ERC1: variants seen among roughly 807,000 people sequenced by gnomAD.
ERC1 encodes the protein RAB6 interacting protein 2.
ERC1 carries 56 observed loss-of-function variants against 132.0 expected under a neutral mutation model. The observed-to-expected ratio is 0.42, with a 90% CI of 0.34 to 0.53. The LOEUF is 0.53. ERC1 is among the 20% of genes least tolerant of loss of function. ERC1 has a pLI of 0.03. For synonymous variants in ERC1, 478 were observed against 476.1 expected (o/e 1.00, Z -0.05); for missense variants, 1,202 against 1,349.9 (o/e 0.89, Z 1.72).
At chr12:1,110,905 T>C (rs1198312932) in intron 5 of ERC1, among the ~76,000 whole-genome samples, 1 of 152,164 alleles carries the variant, frequency 6.6e-6, no homozygotes, top group African/African-American at 2.4e-5. Flanking sequence ...GGTTTCACCT[T>C]GTTGGCCTGG....
intron 17 of ERC1, among the ~76,000 whole-genome samples, chr12:1,408,612 C>T (rs1288681781): frequency 6.6e-6 from 1 of 152,196 alleles, no homozygotes; most frequent in Non-Finnish European, 1.5e-5. Context: ...AAAAACAAGA[C>T]TCTTTCCTTA....
At chr12:1,334,185 G>C (rs182994718) in intron 15 of ERC1, among the ~76,000 whole-genome samples, 217 of 152,118 alleles carry the variant, frequency 1.4e-3, no homozygotes, top group African/African-American at 5.0e-3. Flanking sequence ...CCATTCTGTA[G>C]GTTGTATACT....
chr12:1,409,536 T>C (rs2091718810), intron 17 of ERC1, among the ~76,000 whole-genome samples: 1 of 152,086 alleles, frequency 6.6e-6, no homozygotes, highest in South Asian at 2.1e-4. Flanking sequence ...TCTTGGAAAG[T>C]AGGAAGAAAA....
chr12:1,136,574 A>G (rs1248421826), intron 7 of ERC1, among the ~76,000 whole-genome samples: 1 of 152,236 alleles, frequency 6.6e-6, no homozygotes, highest in African/African-American at 2.4e-5. Flanking sequence ...CTTTTCCGAT[A>G]TACAAATACC....
chr12:1,069,923 G>A (rs1303731539), intron 2 of ERC1, among the ~76,000 whole-genome samples: 2 of 152,182 alleles, frequency 1.3e-5, no homozygotes, highest in Non-Finnish European at 2.9e-5. Context: ...TTCATAAAAT[G>A]AATGAAATCG....
intron 12 of ERC1, among the ~76,000 whole-genome samples, chr12:1,219,195 C>T (rs1958723695): frequency 6.6e-6 from 1 of 152,074 alleles, no homozygotes; most frequent in African/African-American, 2.4e-5. Flanking sequence ...AAGTCTAAGG[C>T]ATTCATTATC....
At chr12:1,424,035 C>CGT (rs369499032) in intron 17 of ERC1, among the ~76,000 whole-genome samples, 2,460 of 150,364 alleles carry the variant, frequency 0.016, 56 homozygotes, top group African/African-American at 0.054. Flanking sequence ...TGTGTATGTA[C>CGT]GTGTGTGTGT....
intron 2 of ERC1, among the ~76,000 whole-genome samples, chr12:1,073,204 G>A (rs1940724074): frequency 6.6e-6 from 1 of 152,108 alleles, no homozygotes; most frequent in Non-Finnish European, 1.5e-5. Flanking sequence ...GGGAGGCTGA[G>A]GCAGGAGAAT....
At chr12:1,407,943 T>C (rs906952157) in intron 16 of ERC1, among the ~76,000 whole-genome samples, 5 of 152,148 alleles carry the variant, frequency 3.3e-5, no homozygotes, top group Admixed American at 6.5e-5. Flanking sequence ...TTAGGGGTTC[T>C]ACATATGAAT....
chr12:1,180,181 T>C (rs1954243475), intron 8 of ERC1, among the ~76,000 whole-genome samples: 1 of 152,194 alleles, frequency 6.6e-6, no homozygotes, highest in Admixed American at 6.5e-5. Context: ...CTAGTCCTCA[T>C]GGCTTTCCTC....
intron 16 of ERC1, among the ~76,000 whole-genome samples, chr12:1,381,605 A>G (rs1051179384): frequency 1.3e-5 from 2 of 152,172 alleles, no homozygotes; most frequent in African/African-American, 2.4e-5. Flanking sequence ...AAATATATAT[A>G]CTTCTTCCTC....
intron 1 of ERC1, among the ~76,000 whole-genome samples, chr12:1,008,297 G>A (rs1332630496): frequency 1.3e-5 from 2 of 152,044 alleles, no homozygotes; most frequent in Non-Finnish European, 2.9e-5. Context: ...AGAAATATGA[G>A]CCACATATGT....
intron 1 of ERC1, among the ~76,000 whole-genome samples, chr12:1,020,088 C>T (rs1182210980): frequency 3.9e-5 from 6 of 152,202 alleles, no homozygotes; most frequent in Admixed American, 3.9e-4. Context: ...CCAATATGCG[C>T]ACTTTAAACA....
intron 2 of ERC1, among the ~76,000 whole-genome samples, chr12:1,036,358 T>C (rs1969073542): frequency 6.6e-6 from 1 of 151,994 alleles, no homozygotes; most frequent in South Asian, 2.1e-4. Context: ...GCCATTATTA[T>C]TTGCCATTAA....
At chr12:1,144,909 A>C (rs1296258091) in intron 8 of ERC1, among the ~76,000 whole-genome samples, 3 of 152,130 alleles carry the variant, frequency 2.0e-5, no homozygotes, top group African/African-American at 7.2e-5. Flanking sequence ...TCCCACCAGC[A>C]GTGTAAAAAT....
intron 1 of ERC1, among the ~76,000 whole-genome samples, chr12:1,002,340 ATT>A (rs569633435): frequency 7.6e-5 from 10 of 131,478 alleles, no homozygotes; most frequent in South Asian, 2.5e-4. Flanking sequence ...TGCTTGGCTA[ATT>A]TTTTTTTTTT....
intron 15 of ERC1, among the ~76,000 whole-genome samples, chr12:1,357,481 CAG>C (rs2085652845): frequency 1.3e-5 from 2 of 152,178 alleles, no homozygotes; most frequent in African/African-American, 4.8e-5. Flanking sequence ...TCTAAATAAG[CAG>C]AAGCATTCTG....
chr12:1,362,582 T>C (rs76522837), intron 15 of ERC1, among the ~76,000 whole-genome samples: 1,833 of 152,286 alleles, frequency 0.012, 36 homozygotes, highest in African/African-American at 0.042. Flanking sequence ...ACATTGTGCT[T>C]GAATCATGCT....
At chr12:1,315,505 A>C (rs147676376) in intron 15 of ERC1, among the ~76,000 whole-genome samples, 5,257 of 151,746 alleles carry the variant, frequency 0.035, 97 homozygotes, top group Middle Eastern at 0.076. Context: ...TGCCCGCCAC[A>C]ACGCCTAGCT....
Sources: allele counts gnomAD v4.1 joint callset (sites outside exome capture counted in the v4.1 genomes callset), GRCh38; gene constraint gnomAD v4.1.1; transcripts MANE v1.5; gene names NCBI Gene and HGNC (gene_info 2026-07-23, HGNC 2026-07-21).